The following ZRANB3 variants were observed in gnomAD, a reference collection of about 807,000 sequenced individuals.
ZRANB3 encodes the protein DNA annealing helicase and endonuclease ZRANB3.
ZRANB3 carries 125 observed loss-of-function variants against 133.8 expected under a neutral mutation model. That is an observed-to-expected ratio of 0.93 (90% CI 0.81 to 1.08). ZRANB3 has a LOEUF of 1.08. Ranked by LOEUF, ZRANB3 falls within the 50% of genes least tolerant of loss-of-function variation. The pLI is 0.00. For missense variants in ZRANB3, 1,229 were observed against 1,275.5 expected (o/e 0.96, Z 0.56); for synonymous variants, 387 against 432.7 (o/e 0.89, Z 1.31).
chr2:135,389,209 A>G lies in ZRANB3; in HGVS notation c.180+1593T>C, dbSNP rs575373212. ...GTCTTGTTTCTCCAATTATATCGCT[A>G]AAGTTCTTCACTGGCAATGACTCTT... On this transcript the variant is annotated intron_variant, in intron 3 of 20. Coordinates refer to ENST00000264159, the MANE Select transcript of ZRANB3 (RefSeq NM_032143.4). Among the ~76,000 whole-genome samples the G allele has an allele frequency of 7.2e-5, 11 of 152,330 alleles. No homozygotes were observed. The East Asian group carries it at 2.1e-3, about 29-fold the overall frequency.
chr2:135,205,880 T>A (rs1366332988), intron 19 of ZRANB3, among the ~76,000 whole-genome samples: 1 of 152,240 alleles, frequency 6.6e-6, no homozygotes, highest in African/African-American at 2.4e-5. Context: ...TTGCCTCTTG[T>A]CTTTCAATAT....
Position 135,198,527 on chromosome 2 carries a change from A to G in ZRANB3, c.*1815T>C, listed in dbSNP as rs1194649770. The G allele has an allele frequency of 6.6e-6, 1 of 152,240 alleles. No homozygotes were observed. Among genetic ancestry groups the G allele is most frequent in the Non-Finnish European group, 1.5e-5 (1 of 68,036 alleles). 9.4% of individuals were successfully genotyped at this position (152,240 alleles called of 1,614,324 possible). On this transcript the variant is annotated 3_prime_UTR_variant, in exon 21 of 21. Coordinates refer to ENST00000264159, the MANE Select transcript of ZRANB3 (RefSeq NM_032143.4). ...TTCATGGATTGTTTCACCTCAAACC[A>G]TCACACAGTTCTTACATCTGAGAAC... is the stretch of plus-strand genomic sequence containing the variant.
In ZRANB3 at chr2:135,217,528, C is replaced by T; in HGVS notation, c.2432G>A (p.Cys811Tyr). 1 of 1,613,708 alleles carries T rather than the reference C, an allele frequency of 6.2e-7. No individual in the cohort carries two copies. Among genetic ancestry groups the T allele is most frequent in the Non-Finnish European group, 8.5e-7 (1 of 1,179,792 alleles). ...RIIRKSGQLFCSPILALEEIT... is the reference protein window; with the variant it reads ...RIIRKSGQLFYSPILALEEIT... Reference sequence around the variant, plus strand: ...CTCTTCCAAAGCAAGAATTGGGCTACAGAATAGCTGTCCACTTTTCCTGAT... The same window carrying T: ...CTCTTCCAAAGCAAGAATTGGGCTATAGAATAGCTGTCCACTTTTCCTGAT... Residue 811 changes from cysteine (C) to tyrosine (Y), a missense_variant, in exon 17 of 21, where the codon TGT becomes TAT. Coordinates refer to ENST00000264159, the MANE Select transcript of ZRANB3 (RefSeq NM_032143.4).
At chr2:135,404,108 C>A (rs77363564) in intron 2 of ZRANB3, among the ~76,000 whole-genome samples, 6,762 of 152,242 alleles carry the variant, frequency 0.044, 503 homozygotes, top group African/African-American at 0.16. Flanking sequence ...TGCAGAACGA[C>A]TTTGACGAGG....
At chr2:135,494,307 CAA>C (rs770757530) in intron 2 of ZRANB3, among the ~76,000 whole-genome samples, 7 of 51,326 alleles carry the variant, frequency 1.4e-4, no homozygotes, top group Admixed American at 2.1e-4. Flanking sequence ...GACTCCGTCT[CAA>C]AAAAAAAAAA....
Position 135,436,783 on chromosome 2 carries a change from C to A in ZRANB3, c.162-45963G>T, listed in dbSNP as rs529436993. The stretch of plus-strand genomic sequence containing the variant: ...AACTATTTTAAAATTGATATGAAAC[C>A]AAAAAAAAAGCCCCAATAGCCAAGG... On this transcript the variant is annotated intron_variant, in intron 2 of 20. Transcript: ENST00000264159. 2.9e-4 allele frequency among the ~76,000 whole-genome samples: 43 copies of A among 149,342 alleles called. No homozygotes were observed. The South Asian group carries it at 6.0e-3, about 21-fold the overall frequency.
chr2:135,487,677 A>T (rs1692184892), intron 2 of ZRANB3, among the ~76,000 whole-genome samples: 1 of 152,164 alleles, frequency 6.6e-6, no homozygotes, highest in South Asian at 2.1e-4. Context: ...TTTAGCTTCA[A>T]ATTTTTCTTC....
At chr2:135,249,810 C>A (rs1476140573) in intron 12 of ZRANB3, among the ~76,000 whole-genome samples, 1 of 152,186 alleles carries the variant, frequency 6.6e-6, no homozygotes, top group Admixed American at 6.5e-5. Context: ...CCATGTGGAA[C>A]TTTAAGTCAA....
At chr2:135,403,639 C>A (rs910150925) in intron 2 of ZRANB3, among the ~76,000 whole-genome samples, 3 of 152,234 alleles carry the variant, frequency 2.0e-5, no homozygotes, top group Non-Finnish European at 4.4e-5. Context: ...GATCTGAGAA[C>A]AGATAGACTG....
intron 8 of ZRANB3, among the ~76,000 whole-genome samples, chr2:135,302,526 T>C (rs994895912): frequency 7.0e-6 from 1 of 143,174 alleles, no homozygotes; most frequent in Non-Finnish European, 1.5e-5. Context: ...AAACCAGGGT[T>C]TGTTTTTTTT....
intron 19 of ZRANB3, 138 bp from the exon 20 acceptor site, chr2:135,203,101 T>A: frequency 9.9e-7 from 1 of 1,010,130 alleles, no homozygotes; most frequent in Non-Finnish European, 1.4e-6. Context: ...TTATAGCTTT[T>A]ATTGTGAGTA....
intron 2 of ZRANB3, among the ~76,000 whole-genome samples, chr2:135,488,494 A>C (rs957038633): frequency 6.6e-6 from 1 of 151,916 alleles, no homozygotes; most frequent in African/African-American, 2.4e-5. Context: ...AATATAGCAT[A>C]CTATATTTGA....
chr2:135,270,291 A>C (rs1342819849), intron 10 of ZRANB3, among the ~76,000 whole-genome samples: 8 of 152,186 alleles, frequency 5.3e-5, no homozygotes, highest in Admixed American at 2.0e-4. Context: ...GCATAAAGGG[A>C]AAATATGTTG....
At chr2:135,433,948 G>C (rs1437402296) in intron 2 of ZRANB3, among the ~76,000 whole-genome samples, 2 of 152,308 alleles carry the variant, frequency 1.3e-5, no homozygotes, top group Non-Finnish European at 2.9e-5. Flanking sequence ...GGTGAGTTGA[G>C]ATAGCGCCAC....
At chr2:135,258,984 T>C (rs1054092459) in intron 12 of ZRANB3, among the ~76,000 whole-genome samples, 4 of 152,224 alleles carry the variant, frequency 2.6e-5, no homozygotes, top group African/African-American at 9.6e-5. Flanking sequence ...TTTCATACAA[T>C]GTTGGCATTT....
intron 12 of ZRANB3, among the ~76,000 whole-genome samples, chr2:135,259,422 T>C (rs929500019): frequency 5.9e-5 from 9 of 152,140 alleles, no homozygotes; most frequent in Non-Finnish European, 1.3e-4. Flanking sequence ...TTTTTATTTA[T>C]TTATTTTTTG....
intron 2 of ZRANB3, among the ~76,000 whole-genome samples, chr2:135,403,723 T>A (rs1687858826): frequency 6.6e-6 from 1 of 151,906 alleles, no homozygotes; most frequent in Non-Finnish European, 1.5e-5. Context: ...GACTGACACC[T>A]CACACGGCCG....
intron 8 of ZRANB3, among the ~76,000 whole-genome samples, chr2:135,310,151 G>A (rs1189618067): frequency 6.6e-6 from 1 of 152,090 alleles, no homozygotes; most frequent in African/African-American, 2.4e-5. Context: ...TGGTCAGGCT[G>A]GTCTCAAACT....
intron 17 of ZRANB3, among the ~76,000 whole-genome samples, chr2:135,209,797 C>T (rs1694021812): frequency 6.6e-6 from 1 of 151,970 alleles, no homozygotes; most frequent in Non-Finnish European, 1.5e-5. Flanking sequence ...TTGAGTGCTT[C>T]TTAATTAGGC....
Sources: gnomAD v4.1 joint callset for allele counts (sites outside exome capture counted in the v4.1 genomes callset) on GRCh38, gnomAD v4.1.1 for gene constraint, MANE v1.5 for transcripts, NCBI Gene and HGNC (gene_info 2026-07-23, HGNC 2026-07-21) for gene names.